VAV3: variants seen among roughly 807,000 people sequenced by gnomAD.
VAV3 encodes guanine nucleotide exchange factor VAV3.
A neutral mutation model predicts 131.2 loss-of-function variants in VAV3; 94 were observed. That is an observed-to-expected ratio of 0.72 (90% CI 0.61 to 0.85). VAV3 has a LOEUF of 0.85. VAV3 is among the 40% of genes least tolerant of loss of function. The probability of loss-of-function intolerance (pLI) is 0.00; values close to 1 mark genes in which losing one functional copy is unlikely to be tolerated. For synonymous variants in VAV3, 349 were observed against 342.0 expected (o/e 1.02, Z -0.22); for missense variants, 939 against 1,002.7 (o/e 0.94, Z 0.86).
At chr1:107,861,002 G>T (rs1669711066) in intron 2 of VAV3, among the ~76,000 whole-genome samples, 1 of 151,608 alleles carries the variant, frequency 6.6e-6, no homozygotes, top group Non-Finnish European at 1.5e-5. Context: ...AATTTAGAAA[G>T]ATAGATTATG....
rs184062668 is a variant in VAV3 at position 107,629,630 on chromosome 1, A to C, written c.1915-11998T>G. Among the ~76,000 whole-genome samples the C allele has an allele frequency of 1.8e-3, 273 of 152,306 alleles. 1 individual carries two copies. The highest frequency in any genetic ancestry group is 6.2e-3 in the African/African-American group (259 of 41,578). On this transcript the variant is annotated intron_variant, in intron 20 of 26. Transcript: ENST00000370056. ...AGGGAAGAGGAAGAAAAAAAGAAGA[A>C]GACAAAGAAGAAAAGAAAATGCTGC...
intron 24 of VAV3, among the ~76,000 whole-genome samples, chr1:107,597,833 T>G (rs1651512294): frequency 6.6e-6 from 1 of 152,148 alleles, no homozygotes; most frequent in Non-Finnish European, 1.5e-5. Context: ...ACCTAATACA[T>G]GTGAAAAACT....
At chr1:107,929,121 G>A (rs1446833441) in intron 1 of VAV3, among the ~76,000 whole-genome samples, 1 of 151,662 alleles carries the variant, frequency 6.6e-6, no homozygotes, top group Non-Finnish European at 1.5e-5. Flanking sequence ...AGTGCTGAAG[G>A]AGAAAAATTT....
At chr1:107,849,128 G>A (rs571866900) in intron 2 of VAV3, among the ~76,000 whole-genome samples, 7 of 152,026 alleles carry the variant, frequency 4.6e-5, no homozygotes, top group African/African-American at 1.2e-4. Context: ...AATCAATATC[G>A]TGAAAATGGC....
intron 2 of VAV3, among the ~76,000 whole-genome samples, chr1:107,826,269 G>C (rs17020137): frequency 6.7e-6 from 1 of 150,312 alleles, no homozygotes. Context: ...AGAATCATTT[G>C]CTCCATTACG....
intron 1 of VAV3, among the ~76,000 whole-genome samples, chr1:107,906,510 C>A (rs963339965): frequency 6.6e-6 from 1 of 151,798 alleles, no homozygotes; most frequent in Admixed American, 6.6e-5. Flanking sequence ...TAAAAACACA[C>A]AAAAAATTAG....
At chr1:107,723,349 C>T (rs894508113) in intron 15 of VAV3, among the ~76,000 whole-genome samples, 1 of 152,046 alleles carries the variant, frequency 6.6e-6, no homozygotes, top group African/African-American at 2.4e-5. Flanking sequence ...TTTCTCTCCA[C>T]ACAAATTCAC....
At chr1:107,676,320 C>A (rs777657105) in intron 19 of VAV3, among the ~76,000 whole-genome samples, 1 of 152,188 alleles carries the variant, frequency 6.6e-6, no homozygotes, top group Non-Finnish European at 1.5e-5. Context: ...CCAATTAAAG[C>A]TCTCCTTGGG....
intron 2 of VAV3, among the ~76,000 whole-genome samples, chr1:107,796,752 C>T (rs1666565564): frequency 6.7e-6 from 1 of 149,060 alleles, no homozygotes; most frequent in East Asian, 2.0e-4. Flanking sequence ...GTGGTAGTCT[C>T]ACAAGTGGAG....
In VAV3 at chr1:107,768,424, A is replaced by G. The variant is rs1383764650; in HGVS notation, c.717+17T>C. 2 of 1,603,158 alleles carry G rather than the reference A, an allele frequency of 1.2e-6. No individual in the cohort carries two copies. Among genetic ancestry groups the G allele is most frequent in the Non-Finnish European group, 1.7e-6 (2 of 1,172,454 alleles). ...ATTGAAGTACACCACAATTTTAGCT[A>G]GCATATTTTTACTCACAGGAATGTT... On this transcript the variant is annotated intron_variant, in intron 7 of 26. Coordinates refer to ENST00000370056, the MANE Select transcript of VAV3 (RefSeq NM_006113.5).
chr1:107,776,468 C>T (rs914266046), intron 4 of VAV3, among the ~76,000 whole-genome samples: 6 of 152,074 alleles, frequency 3.9e-5, no homozygotes, highest in Admixed American at 3.3e-4. Context: ...GAAATCTAAG[C>T]AAAAACTTGA....
At chr1:107,817,155 G>A (rs1431776692) in intron 2 of VAV3, among the ~76,000 whole-genome samples, 4 of 152,172 alleles carry the variant, frequency 2.6e-5, no homozygotes, top group South Asian at 4.1e-4. Context: ...CATATCTGAC[G>A]CATTATGATA....
At chr1:107,710,871 T>C (rs1335496980) in intron 15 of VAV3, among the ~76,000 whole-genome samples, 2 of 152,138 alleles carry the variant, frequency 1.3e-5, no homozygotes, top group African/African-American at 2.4e-5. Flanking sequence ...AGACTTAAAA[T>C]GCATTGTGTG....
At chr1:107,770,826 T>G (rs920906612) in intron 5 of VAV3, 98 bp from the exon 6 acceptor site, 18 of 928,382 alleles carry the variant, frequency 1.9e-5, no homozygotes, top group Non-Finnish European at 2.6e-5. Flanking sequence ...TCTTAAACTT[T>G]CCTTTCTAAT....
At chr1:107,708,376 C>T (rs1660579401) in intron 15 of VAV3, among the ~76,000 whole-genome samples, 1 of 152,122 alleles carries the variant, frequency 6.6e-6, no homozygotes, top group African/African-American at 2.4e-5. Flanking sequence ...TAGTAATCTG[C>T]CTTAACATAT....
chr1:107,764,120 T>C (rs983403057), intron 9 of VAV3, among the ~76,000 whole-genome samples: 1 of 148,708 alleles, frequency 6.7e-6, no homozygotes, highest in Non-Finnish European at 1.5e-5. Context: ...AAAAAAAACA[T>C]GATGTACAAA....
At chr1:107,817,505 T>C (rs1005302728) in intron 2 of VAV3, among the ~76,000 whole-genome samples, 2 of 152,166 alleles carry the variant, frequency 1.3e-5, no homozygotes, top group Non-Finnish European at 2.9e-5. Context: ...ATTTTCTCTG[T>C]AGCATGAAAA....
chr1:107,857,271 T>C, intron 2 of VAV3, among the ~76,000 whole-genome samples: 1 of 152,212 alleles, frequency 6.6e-6, no homozygotes, highest in East Asian at 1.9e-4. Context: ...CTTTCTCCCA[T>C]GCTGGATGCT....
intron 15 of VAV3, among the ~76,000 whole-genome samples, chr1:107,728,697 T>C (rs1469133238): frequency 6.6e-6 from 1 of 151,322 alleles, no homozygotes; most frequent in Non-Finnish European, 1.5e-5. Flanking sequence ...AGGGAAAGGC[T>C]TAACACACAC....
Sources: gnomAD v4.1 joint callset for allele counts (sites outside exome capture counted in the v4.1 genomes callset) on GRCh38, gnomAD v4.1.1 for gene constraint, MANE v1.5 for transcripts, NCBI Gene and HGNC (gene_info 2026-07-23, HGNC 2026-07-21) for gene names.